Variants in NAP1L4 observed in about 807,000 individuals in gnomAD.
The protein encoded by NAP1L4 is nucleosome assembly protein 1-like 4.
A neutral mutation model predicts 58.2 loss-of-function variants in NAP1L4; 15 were observed. The observed-to-expected ratio is 0.26, with a 90% CI of 0.17 to 0.40. The LOEUF (loss-of-function observed/expected upper bound fraction) is 0.40. NAP1L4 is among the 10% of genes least tolerant of loss of function. NAP1L4 has a pLI of 1.00. For missense variants in NAP1L4, 384 were observed against 451.1 expected (o/e 0.85, Z 1.35); for synonymous variants, 171 against 155.6 (o/e 1.10, Z -0.74).
At chr11:2,988,479 C>A (rs1848777713) in intron 1 of NAP1L4, among the ~76,000 whole-genome samples, 2 of 152,176 alleles carry the variant, frequency 1.3e-5, no homozygotes, top group Admixed American at 1.3e-4. Flanking sequence ...CTGCGGGAGG[C>A]CCCAGTACCT....
chr11:2,955,939 T>A lies in NAP1L4; in HGVS notation c.893-173A>T. ...CTCACAGACATCTTTGCAAGCTCCA[T>A]CCACCACTTCTGAAGCTGGCCTGAG... On this transcript the variant is annotated intron_variant, in intron 10 of 15. Coordinates refer to ENST00000380542, the MANE Select transcript of NAP1L4 (RefSeq NM_005969.4). This position sits in a 1 kb window ranked among gnomAD's most constrained non-coding sequence, Gnocchi z 4.2. The A allele has an allele frequency of 1.6e-6, 1 of 631,314 alleles. No individual in the cohort carries two copies. 39.1% of individuals were successfully genotyped at this position (631,314 alleles called of 1,614,324 possible).
chr11:2,960,682 G>A (rs1388530423), intron 8 of NAP1L4, among the ~76,000 whole-genome samples: 4 of 152,100 alleles, frequency 2.6e-5, no homozygotes, highest in African/African-American at 9.7e-5. Flanking sequence ...TTTTATGAAG[G>A]ACAATTTGGC....
chr11:2,988,143 A>C (rs755380793), intron 1 of NAP1L4: 2 of 152,196 alleles, frequency 1.3e-5, no homozygotes, highest in Non-Finnish European at 2.9e-5. Context: ...TTTCAAGAAG[A>C]AAGCAAAAAA....
intron 1 of NAP1L4, among the ~76,000 whole-genome samples, chr11:2,979,512 C>T (rs149788913): frequency 4.5e-4 from 68 of 152,268 alleles, no homozygotes; most frequent in African/African-American, 1.6e-3. Flanking sequence ...GTGGTTCACG[C>T]CTGTAATCCA....
intron 1 of NAP1L4, among the ~76,000 whole-genome samples, chr11:2,989,490 G>C (rs779956453): frequency 6.6e-6 from 1 of 152,108 alleles, no homozygotes; most frequent in East Asian, 1.9e-4. Flanking sequence ...AAAAATATAG[G>C]CTCTTTGGCA....
intron 7 of NAP1L4, among the ~76,000 whole-genome samples, chr11:2,968,385 T>C (rs1590243574): frequency 6.6e-6 from 1 of 152,344 alleles, no homozygotes; most frequent in East Asian, 1.9e-4. Context: ...AATGAAATTC[T>C]GGTGCATGGC....
In NAP1L4 at chr11:2,955,646, C is replaced by A. The variant is rs992207311; in HGVS notation, c.915+98G>T. 9 of 1,252,912 alleles carry A rather than the reference C, an allele frequency of 7.2e-6. No individual in the cohort carries two copies. The highest frequency in any genetic ancestry group is 1.3e-5 in the South Asian group (1 of 78,350). 77.6% of individuals were successfully genotyped at this position (1,252,912 alleles called of 1,614,324 possible). On this transcript the variant is annotated intron_variant, in intron 11 of 15. Coordinates refer to ENST00000380542, the MANE Select transcript of NAP1L4 (RefSeq NM_005969.4). The surrounding 1 kb of genome is among the most constrained non-coding windows in gnomAD (Gnocchi z 4.2). The stretch of plus-strand genomic sequence containing the variant: ...AGATCACTGGCATACCCAGTCCACA[C>A]ACAGCCAGGACTGGACTTTTTTTAA...
chr11:2,984,502 C>T lies in NAP1L4; in HGVS notation c.-17-5265G>A, dbSNP rs939569949. Among the ~76,000 whole-genome samples the T allele has an allele frequency of 5.9e-5, 9 of 152,100 alleles. No individual in the cohort carries two copies. In the South Asian group the frequency reaches 1.5e-3, roughly 25 times the overall value. ...AGGAGAATCTCTTGAACCCAGGAGG[C>T]GGAAGTTGCAGTGAGCCGAGATCTC... is the stretch of plus-strand genomic sequence containing the variant. On this transcript the variant is annotated intron_variant, in intron 1 of 15. Transcript: ENST00000380542.
chr11:2,985,503 T>A (rs1564992641), intron 1 of NAP1L4, among the ~76,000 whole-genome samples: 1 of 152,192 alleles, frequency 6.6e-6, no homozygotes, highest in East Asian at 1.9e-4. Flanking sequence ...AATCAAGGGA[T>A]CTATACAACC....
chr11:2,965,431 G>A (rs1847213916), intron 7 of NAP1L4, among the ~76,000 whole-genome samples: 1 of 152,164 alleles, frequency 6.6e-6, no homozygotes, highest in Non-Finnish European at 1.5e-5. Context: ...ACACAGAGAA[G>A]GTACAGTAAG....
At position 2,969,894 on chromosome 11, in the gene NAP1L4, G is replaced by T; in HGVS notation, c.443C>A (p.Ala148Glu). 2 of 1,613,432 alleles carry T rather than the reference G, an allele frequency of 1.2e-6. No homozygotes were observed. Among genetic ancestry groups the T allele is most frequent in the Non-Finnish European group, 1.7e-6 (2 of 1,179,598 alleles). Residue 148 changes from alanine (A) to glutamate (E), a missense_variant, in exon 7 of 16, where the codon GCG becomes GAG. Ala to Glu is a moderately radical substitution (Grantham distance 107). Transcript: ENST00000380542. ...KSKVVVTEKA[A>E]ATAEEPDPKG... ...GGGATCTGGCTCTTCAGCCGTTGCC[G>T]CTGCTTTTTCTGTGACGACTACTTT...
intron 10 of NAP1L4, 169 bp downstream of exon 10, chr11:2,958,230 T>TA (rs1564976474): frequency 6.8e-6 from 5 of 734,444 alleles, no homozygotes; most frequent in Non-Finnish European, 1.2e-5. Context: ...CCCCCCGCGA[T>TA]AAACTTGCCA....
chr11:2,984,192 C>T (rs1323738957), intron 1 of NAP1L4, among the ~76,000 whole-genome samples: 5 of 140,814 alleles, frequency 3.6e-5, no homozygotes, highest in African/African-American at 8.1e-5. Flanking sequence ...AAAAAAAAGG[C>T]AACAAACCCT....
intron 4 of NAP1L4, among the ~76,000 whole-genome samples, chr11:2,975,598 C>A (rs553241646): frequency 6.6e-6 from 1 of 152,044 alleles, no homozygotes; most frequent in Non-Finnish European, 1.5e-5. Flanking sequence ...CACTGTCACC[C>A]AGGCTGGAGG....
At chr11:2,968,548 A>G (rs1363675415) in intron 7 of NAP1L4, among the ~76,000 whole-genome samples, 1 of 152,210 alleles carries the variant, frequency 6.6e-6, no homozygotes, top group African/African-American at 2.4e-5. Flanking sequence ...TCTTTTCTCA[A>G]GTTTTGGCTT....
At chr11:2,958,360 T>A (rs1169029201) in intron 10 of NAP1L4, 39 bp downstream of exon 10, 2 of 1,608,010 alleles carry the variant, frequency 1.2e-6, no homozygotes, top group African/African-American at 1.3e-5. Context: ...AATTATTTTA[T>A]ATAAGAACAT....
In NAP1L4 at chr11:2,945,275, G is replaced by A. The variant is rs774556982; in HGVS notation, c.*404C>T. ...CCTGGGAACCACATCACCAGACCTCGGCCCTTTTTGCCAAGTGACCCCCAC... is the reference window on the plus strand; with the variant it reads ...CCTGGGAACCACATCACCAGACCTCAGCCCTTTTTGCCAAGTGACCCCCAC... On this transcript the variant is annotated 3_prime_UTR_variant, in exon 16 of 16. Coordinates refer to ENST00000380542, the MANE Select transcript of NAP1L4 (RefSeq NM_005969.4). 106 of 254,544 alleles carry A rather than the reference G, an allele frequency of 4.2e-4. No homozygotes were observed. Among genetic ancestry groups the A allele is most frequent in the Non-Finnish European group, 5.5e-4 (74 of 135,102 alleles). The allele number at this position is 254,544 out of a possible 1,614,324, so 15.8% of individuals were successfully genotyped here.
Position 2,958,381 on chromosome 11 carries a change from A to G in NAP1L4, c.892+18T>C. 1 of 1,613,182 alleles carries G rather than the reference A, an allele frequency of 6.2e-7. No individual in the cohort carries two copies. The highest frequency in any genetic ancestry group is 8.5e-7 in the Non-Finnish European group (1 of 1,179,376). Reference sequence around the variant, plus strand: ...TTTATATAAGAACATAATGAATATTAACAACCAACAGACTTGCCTTTCAAT... The same window carrying G: ...TTTATATAAGAACATAATGAATATTGACAACCAACAGACTTGCCTTTCAAT... On this transcript the variant is annotated intron_variant, in intron 10 of 15. Transcript: ENST00000380542.
intron 1 of NAP1L4, among the ~76,000 whole-genome samples, chr11:2,985,792 C>T (rs1219680112): frequency 1.3e-5 from 2 of 152,108 alleles, no homozygotes; most frequent in Non-Finnish European, 2.9e-5. Flanking sequence ...AGGTTCCCTC[C>T]CAAGGTCAAA....
Sources: gnomAD v4.1 joint callset for allele counts (sites outside exome capture counted in the v4.1 genomes callset) on GRCh38, gnomAD v4.1.1 for gene constraint, Gnocchi (gnomAD v3.1) non-coding constraint, MANE v1.5 for transcripts, NCBI Gene and HGNC (gene_info 2026-07-23, HGNC 2026-07-21) for gene names.